RBFOX1: variants seen among roughly 807,000 people sequenced by gnomAD.
RBFOX1 encodes the protein RNA binding protein fox-1 homolog 1.
RBFOX1 carries 8 observed loss-of-function variants against 57.7 expected under a neutral mutation model. The observed-to-expected ratio is 0.14, with a 90% CI of 0.08 to 0.25. The LOEUF is 0.25. Ranked by LOEUF, RBFOX1 falls within the 10% of genes least tolerant of loss-of-function variation. The pLI, the probability that RBFOX1 is intolerant of heterozygous loss-of-function variation, is 1.00. For synonymous variants in RBFOX1, 326 were observed against 222.4 expected (o/e 1.47, Z -4.15); for missense variants, 611 against 548.5 (o/e 1.11, Z -1.14).
chr16:5,661,616 T>C (rs2049653458), intron 3 of RBFOX1, among the ~76,000 whole-genome samples: 1 of 152,224 alleles, frequency 6.6e-6, no homozygotes, highest in African/African-American at 2.4e-5. Flanking sequence ...ACATACACAT[T>C]GTGTAAATGA....
At chr16:7,045,467 T>G (rs1430055539) in intron 3 of RBFOX1, among the ~76,000 whole-genome samples, 4 of 152,196 alleles carry the variant, frequency 2.6e-5, no homozygotes, top group African/African-American at 9.6e-5. Flanking sequence ...GCTATTTCCT[T>G]GGCTACTGTT....
intron 2 of RBFOX1, among the ~76,000 whole-genome samples, chr16:5,596,765 C>A (rs1050830726): frequency 2.0e-5 from 3 of 152,220 alleles, no homozygotes; most frequent in Non-Finnish European, 4.4e-5. Flanking sequence ...GACATTCTCT[C>A]AAAGGAGAAT....
chr16:6,396,166 A>T (rs1156633550), intron 2 of RBFOX1, among the ~76,000 whole-genome samples: 1 of 151,988 alleles, frequency 6.6e-6, no homozygotes, highest in African/African-American at 2.4e-5. Context: ...TAGCAATTAT[A>T]AATTCTAGAT....
chr16:6,799,782 C>T (rs1200459812), intron 3 of RBFOX1, among the ~76,000 whole-genome samples: 2 of 152,040 alleles, frequency 1.3e-5, no homozygotes, highest in Non-Finnish European at 2.9e-5. Context: ...GACCGCTGGA[C>T]TTAACACCAG....
chr16:7,215,118 C>A (rs2152810428), intron 4 of RBFOX1, among the ~76,000 whole-genome samples: 1 of 152,234 alleles, frequency 6.6e-6, no homozygotes, highest in South Asian at 2.1e-4. Flanking sequence ...TCCATGTGTT[C>A]TCATTGTTCA....
chr16:7,040,315 G>T (rs374941337), intron 3 of RBFOX1, among the ~76,000 whole-genome samples: 1 of 151,948 alleles, frequency 6.6e-6, no homozygotes, highest in African/African-American at 2.4e-5. Context: ...CACCGTGCCC[G>T]GCTGAGTTAT....
At chr16:7,203,455 TATG>T (rs372900203) in intron 4 of RBFOX1, among the ~76,000 whole-genome samples, 1 of 152,174 alleles carries the variant, frequency 6.6e-6, no homozygotes, top group African/African-American at 2.4e-5. Flanking sequence ...TTCTGGAGGT[TATG>T]GTGGTGATGG....
At chr16:6,223,397 C>G (rs1175906423) in intron 1 of RBFOX1, among the ~76,000 whole-genome samples, 7 of 147,998 alleles carry the variant, frequency 4.7e-5, no homozygotes, top group African/African-American at 1.5e-4. Context: ...GCCATTCTAA[C>G]TGGTGTGAGA....
intron 4 of RBFOX1, among the ~76,000 whole-genome samples, chr16:7,067,692 C>G (rs889189040): frequency 7.9e-6 from 1 of 126,020 alleles, no homozygotes; most frequent in African/African-American, 2.9e-5. Context: ...CCCGTCCCCC[C>G]ACCCCACAAC....
chr16:7,383,100 G>T (rs887402271), intron 4 of RBFOX1, among the ~76,000 whole-genome samples: 1 of 152,172 alleles, frequency 6.6e-6, no homozygotes, highest in East Asian at 1.9e-4. Flanking sequence ...CTTAGATTCT[G>T]ATTCTAGCAG....
chr16:6,916,047 C>T (rs1597128448), intron 3 of RBFOX1, among the ~76,000 whole-genome samples: 1 of 151,946 alleles, frequency 6.6e-6, no homozygotes, highest in Non-Finnish European at 1.5e-5. Flanking sequence ...GAAGACAGAG[C>T]TCCACACTGC....
At chr16:7,596,918 C>A (rs1297952018) in intron 8 of RBFOX1, among the ~76,000 whole-genome samples, 1 of 152,192 alleles carries the variant, frequency 6.6e-6, no homozygotes, top group Non-Finnish European at 1.5e-5. Context: ...TAAAGTGTTG[C>A]ACACGGCTAA....
At chr16:7,633,667 T>C (rs2061330585) in intron 11 of RBFOX1, among the ~76,000 whole-genome samples, 1 of 152,214 alleles carries the variant, frequency 6.6e-6, no homozygotes, top group Non-Finnish European at 1.5e-5. Context: ...ATTCAGATGG[T>C]CAATCTCGAT....
intron 4 of RBFOX1, among the ~76,000 whole-genome samples, chr16:5,904,210 G>T (rs2058383496): frequency 6.6e-6 from 1 of 152,036 alleles, no homozygotes; most frequent in African/African-American, 2.4e-5. Flanking sequence ...CGCTCATCTC[G>T]GCAAGCCTTG....
At chr16:5,920,917 G>T (rs1196520059) in intron 4 of RBFOX1, among the ~76,000 whole-genome samples, 1 of 95,618 alleles carries the variant, frequency 1.0e-5, no homozygotes, top group African/African-American at 3.3e-5. Context: ...TGTACGTGCA[G>T]TGGTGGGATG....
At chr16:5,495,547 C>A (rs546113351) in intron 2 of RBFOX1, among the ~76,000 whole-genome samples, 2 of 152,206 alleles carry the variant, frequency 1.3e-5, no homozygotes, top group Non-Finnish European at 2.9e-5. Context: ...AAACAGGAAA[C>A]TGTCACAATA....
intron 3 of RBFOX1, among the ~76,000 whole-genome samples, chr16:5,686,827 A>G (rs2050520335): frequency 6.6e-6 from 1 of 152,246 alleles, no homozygotes; most frequent in Non-Finnish European, 1.5e-5. Flanking sequence ...TAGTTCTGAC[A>G]GAAGTCATAA....
In RBFOX1 at chr16:6,812,046, T is replaced by C. The variant is rs139435725; in HGVS notation, c.-16+157396T>C. On this transcript the variant is annotated intron_variant, in intron 3 of 15. Coordinates refer to ENST00000550418, the MANE Select transcript of RBFOX1 (RefSeq NM_018723.4). ...AAATAGTGCAGTACAAGAGTGTTGG[T>C]TGGTTTCATGTATCACCATATAAAG... 4.6e-3 allele frequency among the ~76,000 whole-genome samples: 704 copies of C among 152,280 alleles called. 5 individuals are homozygous for C. Among genetic ancestry groups the C allele is most frequent in the African/African-American group, 0.016 (660 of 41,560 alleles).
intron 4 of RBFOX1, among the ~76,000 whole-genome samples, chr16:7,244,956 G>T (rs1265819815): frequency 1.3e-5 from 2 of 152,192 alleles, no homozygotes; most frequent in Non-Finnish European, 2.9e-5. Flanking sequence ...GAGCAGTGGG[G>T]ATTGTGGCAA....
Sources: gnomAD v4.1 joint callset for allele counts (sites outside exome capture counted in the v4.1 genomes callset) on GRCh38, gnomAD v4.1.1 for gene constraint, MANE v1.5 for transcripts, NCBI Gene and HGNC (gene_info 2026-07-23, HGNC 2026-07-21) for gene names.